The following MAST4 variants were observed in gnomAD, a reference collection of about 807,000 sequenced individuals.
MAST4 encodes the protein microtubule-associated serine/threonine-protein kinase 4.
Under a neutral mutation model 162.7 loss-of-function variants are expected in MAST4, and 89 were observed. The ratio of observed to expected loss-of-function variants is 0.55; its 90% confidence interval spans 0.46 to 0.65. The LOEUF is 0.65. Among genes scored for constraint, MAST4 ranks in the 30% least tolerant of loss-of-function variants. The probability of loss-of-function intolerance (pLI) is 0.00; values close to 1 mark genes in which losing one functional copy is unlikely to be tolerated. For synonymous variants in MAST4, 1,479 were observed against 1,361.1 expected (o/e 1.09, Z -1.91); for missense variants, 3,153 against 3,374.0 (o/e 0.93, Z 1.62).
chr5:66,851,206 A>T lies in MAST4; in HGVS notation c.643-48745A>T, dbSNP rs183341446. 6.0e-4 allele frequency among the ~76,000 whole-genome samples: 92 copies of T among 152,292 alleles called. 1 individual carries two copies. In the East Asian group the frequency reaches 0.015, roughly 25 times the overall value. The stretch of plus-strand genomic sequence containing the variant: ...TCTTATCTGTCTATTATGTCCAAAC[A>T]TTCTGTAATATTTCCCAAATCAACT... On this transcript the variant is annotated intron_variant, in intron 3 of 28. Transcript: ENST00000403625.
intron 4 of MAST4, among the ~76,000 whole-genome samples, chr5:66,925,348 A>T (rs969435237): frequency 6.6e-6 from 1 of 152,194 alleles, no homozygotes; most frequent in African/African-American, 2.4e-5. Context: ...TTCAAAAGGT[A>T]ACATTTTTCC....
chr5:67,053,234 G>A (rs1321611698), intron 4 of MAST4, among the ~76,000 whole-genome samples: 1 of 152,200 alleles, frequency 6.6e-6, no homozygotes, highest in Non-Finnish European at 1.5e-5. Context: ...AAACATCTAA[G>A]AGAAGATAAC....
chr5:66,672,138 A>C (rs1437900945), intron 1 of MAST4, among the ~76,000 whole-genome samples: 1 of 152,210 alleles, frequency 6.6e-6, no homozygotes, highest in African/African-American at 2.4e-5. Context: ...TAAATTTTGG[A>C]TACAAATAAT....
chr5:66,923,033 C>T (rs1051003342), intron 4 of MAST4, among the ~76,000 whole-genome samples: 2 of 152,162 alleles, frequency 1.3e-5, no homozygotes, highest in South Asian at 4.2e-4. Flanking sequence ...TTTTCTTTTA[C>T]ATGGTGCTTT....
At position 67,118,672 on chromosome 5, in the gene MAST4, TC is replaced by T; in HGVS notation, c.1592-8del. 1 of 1,532,628 alleles carries T rather than the reference TC, an allele frequency of 6.5e-7. No individual in the cohort carries two copies. Among genetic ancestry groups the T allele is most frequent in the Admixed American group, 2.0e-5 (1 of 50,614 alleles). 94.9% of individuals were successfully genotyped at this position (1,532,628 alleles called of 1,614,324 possible). A position where few individuals can be genotyped will look rare whatever the true frequency, so the allele number is the denominator to read the frequency against. ...TTTATTAAGCTTAACTTTTTTTTTT[TC>T]CAACTTAGAAATGGCTCATTTGGGA... On this transcript the variant is annotated splice_polypyrimidine_tract_variant and intron_variant, in intron 12 of 28. Coordinates refer to ENST00000403625, the MANE Select transcript of MAST4 (RefSeq NM_001164664.2).
chr5:67,067,836 A>G (rs553341612), intron 5 of MAST4, among the ~76,000 whole-genome samples: 71 of 152,232 alleles, frequency 4.7e-4, no homozygotes, highest in Non-Finnish European at 8.1e-4. Context: ...CACAGCCCCT[A>G]CCCCACCTTT....
intron 3 of MAST4, among the ~76,000 whole-genome samples, chr5:66,803,203 T>G (rs1399443933): frequency 6.6e-6 from 1 of 152,220 alleles, no homozygotes; most frequent in Non-Finnish European, 1.5e-5. Flanking sequence ...TGTATTTCTC[T>G]ATATACATGA....
At chr5:66,634,162 C>T (rs1580055801) in intron 1 of MAST4, among the ~76,000 whole-genome samples, 3 of 149,862 alleles carry the variant, frequency 2.0e-5, no homozygotes, top group Middle Eastern at 3.4e-3. Context: ...TGGGTTCAAG[C>T]GATTCTCCTG....
intron 4 of MAST4, among the ~76,000 whole-genome samples, chr5:66,999,384 A>G (rs140837778): frequency 9.6e-4 from 146 of 152,314 alleles, no homozygotes; most frequent in African/African-American, 3.1e-3. Flanking sequence ...CTAATTATCA[A>G]TCATACATAT....
intron 1 of MAST4, among the ~76,000 whole-genome samples, chr5:66,602,762 A>T (rs1159921647): frequency 6.6e-6 from 1 of 152,160 alleles, no homozygotes; most frequent in Non-Finnish European, 1.5e-5. Context: ...GTTGCCAGAA[A>T]GGGCTTGCAT....
chr5:67,065,258 T>TGTGGTTTTGAGAAC (rs1760092428), intron 5 of MAST4, among the ~76,000 whole-genome samples: 1 of 152,046 alleles, frequency 6.6e-6, no homozygotes, highest in African/African-American at 2.4e-5. Flanking sequence ...CTCTCACTCT[T>TGTGGTTTTGAGAAC]GTGGTTTTGA....
At chr5:66,604,348 G>A (rs765707178) in intron 1 of MAST4, among the ~76,000 whole-genome samples, 86 of 152,256 alleles carry the variant, frequency 5.6e-4, no homozygotes, top group East Asian at 1.5e-3. Flanking sequence ...AGACACAGTC[G>A]ATATAATTTT....
chr5:66,837,864 T>TTATATA lies in MAST4; in HGVS notation c.642+49096_642+49101dup, dbSNP rs1209782576. Among the ~76,000 whole-genome samples the TTATATA allele has an allele frequency of 2.5e-3, 207 of 82,626 alleles. 1 individual carries two copies. Among genetic ancestry groups the TTATATA allele is most frequent in the South Asian group, 0.012 (22 of 1,826 alleles). 54.2% of individuals were successfully genotyped at this position (82,626 alleles called of 152,430 possible). A position where few individuals can be genotyped will look rare whatever the true frequency, so the allele number is the denominator to read the frequency against. ...ATCAAGTCTCAAGTGAGACTTGATT[T>TTATATA]TATATATATATATATATATATATAT... is the stretch of plus-strand genomic sequence containing the variant. On this transcript the variant is annotated intron_variant, in intron 3 of 28. Coordinates refer to ENST00000403625, the MANE Select transcript of MAST4 (RefSeq NM_001164664.2).
Position 67,164,389 on chromosome 5 carries a change from A to G in MAST4, c.5210A>G (p.Glu1737Gly). The change falls in exon 29 of 29, where the codon GAG (glutamate) becomes GGG (glycine). Residue 1737 changes from glutamate to glycine, a missense_variant. Transcript: ENST00000403625. The surrounding 1 kb of genome is among the most constrained non-coding windows in gnomAD (Gnocchi z 5.3). Reference sequence around the variant, plus strand: ...CAGCAGGAGCCCCCGCCGGCTTCTGAGAGCCGAGCTTTTGTCAGCAGCACC... The same window carrying G: ...CAGCAGGAGCCCCCGCCGGCTTCTGGGAGCCGAGCTTTTGTCAGCAGCACC... ...GGQQEPPPAS[E>G]SRAFVSSTHA... 1 of 1,613,976 alleles carries G rather than the reference A, an allele frequency of 6.2e-7. No homozygotes were observed. The highest frequency in any genetic ancestry group is 8.5e-7 in the Non-Finnish European group (1 of 1,179,888).
intron 1 of MAST4, among the ~76,000 whole-genome samples, chr5:66,693,525 G>A (rs1470689731): frequency 1.3e-5 from 2 of 152,074 alleles, no homozygotes; most frequent in African/African-American, 4.8e-5. Context: ...GCCACAATTC[G>A]CTAACAAGAT....
intron 11 of MAST4, among the ~76,000 whole-genome samples, chr5:67,113,422 A>T (rs1468756508): frequency 6.6e-6 from 1 of 152,002 alleles, no homozygotes; most frequent in Non-Finnish European, 1.5e-5. Context: ...TACACACTAG[A>T]CGCAAGAGGC....
chr5:66,891,686 AC>A (rs961812265), intron 3 of MAST4, among the ~76,000 whole-genome samples: 3 of 152,220 alleles, frequency 2.0e-5, no homozygotes, highest in African/African-American at 7.2e-5. Context: ...CTACCTGACT[AC>A]GTCTGTTCTC....
At chr5:67,038,712 A>T (rs546096398) in intron 4 of MAST4, among the ~76,000 whole-genome samples, 1 of 152,188 alleles carries the variant, frequency 6.6e-6, no homozygotes, top group Admixed American at 6.5e-5. Flanking sequence ...TAGATACAAA[A>T]ATAGGTGCTC....
At chr5:66,888,468 A>T (rs1002217008) in intron 3 of MAST4, among the ~76,000 whole-genome samples, 9 of 152,256 alleles carry the variant, frequency 5.9e-5, no homozygotes, top group African/African-American at 2.2e-4. Flanking sequence ...GTAAATAAAA[A>T]TGATTAATCT....
Sources: allele counts gnomAD v4.1 joint callset (sites outside exome capture counted in the v4.1 genomes callset), GRCh38; gene constraint gnomAD v4.1.1; non-coding constraint Gnocchi (gnomAD v3.1); transcripts MANE v1.5; gene names NCBI Gene and HGNC (gene_info 2026-07-23, HGNC 2026-07-21).